The following CDH4 variants were observed in gnomAD, a reference collection of about 807,000 sequenced individuals.
CDH4 encodes the protein cadherin-4.
In CDH4, 33 loss-of-function variants were observed where a neutral mutation model predicts 86.0. The observed-to-expected ratio is 0.38, with a 90% CI of 0.29 to 0.51. The LOEUF is 0.51. CDH4 is among the 20% of genes least tolerant of loss of function. The pLI, the probability that CDH4 is intolerant of heterozygous loss-of-function variation, is 0.86. For missense variants in CDH4, 1,114 were observed against 1,307.4 expected (o/e 0.85, Z 2.28); for synonymous variants, 555 against 549.4 (o/e 1.01, Z -0.14).
At chr20:61,812,070 C>T (rs973236777) in intron 4 of CDH4, among the ~76,000 whole-genome samples, 6 of 152,032 alleles carry the variant, frequency 3.9e-5, no homozygotes, top group African/African-American at 9.7e-5. Flanking sequence ...TCCCCCGCTG[C>T]GGGGGACACA....
intron 2 of CDH4, among the ~76,000 whole-genome samples, chr20:61,462,121 C>T (rs2085447226): frequency 6.6e-6 from 1 of 152,202 alleles, no homozygotes; most frequent in African/African-American, 2.4e-5. Context: ...GGACTGGAAG[C>T]ACTGTGGCTT....
rs2055223288 is a variant in CDH4 at position 61,938,462 on chromosome 20, T to A, written c.*1519T>A. 2 of 152,570 alleles carry A rather than the reference T, an allele frequency of 1.3e-5. No individual in the cohort carries two copies. The highest frequency in any genetic ancestry group is 2.1e-4 in the South Asian group (1 of 4,832). 9.5% of individuals were successfully genotyped at this position (152,570 alleles called of 1,614,324 possible). Reference sequence around the variant, plus strand: ...CCACGTGGGGAAGCCTCGTGCTTGGTCAGCTTTCTGTCTCTCCCAGGCCAG... The same window carrying A: ...CCACGTGGGGAAGCCTCGTGCTTGGACAGCTTTCTGTCTCTCCCAGGCCAG... On this transcript the variant is annotated 3_prime_UTR_variant, in exon 16 of 16. Coordinates refer to ENST00000614565, the MANE Select transcript of CDH4 (RefSeq NM_001794.5).
At chr20:61,782,077 C>A (rs1336930534) in intron 4 of CDH4, among the ~76,000 whole-genome samples, 2 of 152,122 alleles carry the variant, frequency 1.3e-5, no homozygotes, top group African/African-American at 2.4e-5. Context: ...GAGGCCAATG[C>A]AGGCAGATCA....
At chr20:61,264,987 C>G (rs2084149221) in intron 2 of CDH4, among the ~76,000 whole-genome samples, 1 of 148,954 alleles carries the variant, frequency 6.7e-6, no homozygotes. Context: ...CTACACATAC[C>G]TCAGTGGCTC....
At chr20:61,658,423 G>A (rs62197805) in intron 2 of CDH4, among the ~76,000 whole-genome samples, 36,768 of 152,124 alleles carry the variant, frequency 0.24, 5,040 homozygotes, top group African/African-American at 0.38. Context: ...CTCTGAGCTC[G>A]CAGGTGCCCA....
intron 1 of CDH4, among the ~76,000 whole-genome samples, chr20:61,253,274 G>GCTT (rs2123108181): frequency 6.6e-6 from 1 of 150,820 alleles, no homozygotes; most frequent in African/African-American, 2.4e-5. Context: ...GCGCGGCGCG[G>GCTT]GAGGGCGCCC....
intron 2 of CDH4, among the ~76,000 whole-genome samples, chr20:61,425,000 C>T (rs1274756569): frequency 3.3e-5 from 5 of 152,258 alleles, no homozygotes; most frequent in African/African-American, 7.2e-5. Context: ...GAGGAGCCTA[C>T]AGCCTCCTAG....
chr20:61,596,783 G>T (rs983335287), intron 2 of CDH4, among the ~76,000 whole-genome samples: 1 of 152,150 alleles, frequency 6.6e-6, no homozygotes, highest in African/African-American at 2.4e-5. Context: ...CTCCTTTCCA[G>T]ACTCCTTCCC....
intron 2 of CDH4, among the ~76,000 whole-genome samples, chr20:61,389,806 C>T (rs2084971452): frequency 6.6e-6 from 1 of 152,230 alleles, no homozygotes; most frequent in East Asian, 1.9e-4. Flanking sequence ...CCCATAGCAC[C>T]ATGTCTGGGA....
intron 2 of CDH4, among the ~76,000 whole-genome samples, chr20:61,542,690 C>G (rs2086049456): frequency 1.3e-5 from 2 of 152,220 alleles, no homozygotes; most frequent in South Asian, 4.1e-4. Flanking sequence ...AATCAGAACT[C>G]CTAGAAAGGG....
intron 2 of CDH4, among the ~76,000 whole-genome samples, chr20:61,712,121 G>T (rs2087899981): frequency 6.6e-6 from 1 of 152,188 alleles, no homozygotes; most frequent in Non-Finnish European, 1.5e-5. Context: ...TCTTCCACGT[G>T]GATGATGGAA....
chr20:61,637,999 C>T (rs1010405830), intron 2 of CDH4, among the ~76,000 whole-genome samples: 3 of 141,542 alleles, frequency 2.1e-5, no homozygotes, highest in Middle Eastern at 3.5e-3. Context: ...CCACTGCACT[C>T]CAGCCTGGGC....
chr20:61,837,992 G>GC (rs1424821104), intron 4 of CDH4, among the ~76,000 whole-genome samples: 1 of 151,642 alleles, frequency 6.6e-6, no homozygotes, highest in Non-Finnish European at 1.5e-5. Flanking sequence ...CGCTCCCCAA[G>GC]CCCTCACCTC....
At chr20:61,399,119 C>CTTTTTTT (rs926368033) in intron 2 of CDH4, among the ~76,000 whole-genome samples, 4 of 77,030 alleles carry the variant, frequency 5.2e-5, no homozygotes, top group East Asian at 3.6e-4. Context: ...GAAAAACCCA[C>CTTTTTTT]TTTTTTTTTT....
chr20:61,320,883 C>T lies in CDH4; in HGVS notation c.169+65946C>T, dbSNP rs560727437. ...GGTGGGCAGGGCTGTGGCGTGAAGACAGTATGTGGGCAGGGCGGGGTGCAC... is the reference window on the plus strand; with the variant it reads ...GGTGGGCAGGGCTGTGGCGTGAAGATAGTATGTGGGCAGGGCGGGGTGCAC... On this transcript the variant is annotated intron_variant, in intron 2 of 15. Transcript: ENST00000614565. Among the ~76,000 whole-genome samples, 8 of 152,058 alleles carry T rather than the reference C, an allele frequency of 5.3e-5. No individual in the cohort carries two copies. The East Asian group carries it at 1.4e-3, about 26-fold the overall frequency.
intron 4 of CDH4, among the ~76,000 whole-genome samples, chr20:61,833,356 A>G (rs543546251): frequency 6.8e-4 from 104 of 152,214 alleles, no homozygotes; most frequent in Non-Finnish European, 1.3e-3. Context: ...GTTTCATTCA[A>G]TCATCCACTC....
intron 4 of CDH4, among the ~76,000 whole-genome samples, chr20:61,814,373 G>A (rs1443452570): frequency 6.6e-6 from 1 of 152,168 alleles, no homozygotes; most frequent in African/African-American, 2.4e-5. Flanking sequence ...TGGAAAACCT[G>A]TCCCTCACTG....
chr20:61,592,773 T>G (rs2086527355), intron 2 of CDH4, among the ~76,000 whole-genome samples: 1 of 152,228 alleles, frequency 6.6e-6, no homozygotes, highest in South Asian at 2.1e-4. Context: ...ATGGTTCATG[T>G]GTCCAGTGTC....
At chr20:61,632,801 C>T (rs1466944473) in intron 2 of CDH4, among the ~76,000 whole-genome samples, 1 of 150,940 alleles carries the variant, frequency 6.6e-6, no homozygotes, top group Non-Finnish European at 1.5e-5. Context: ...TCTGTACTCC[C>T]CTGTGCACCA....
Sources: allele counts gnomAD v4.1 joint callset (sites outside exome capture counted in the v4.1 genomes callset), GRCh38; gene constraint gnomAD v4.1.1; transcripts MANE v1.5; gene names NCBI Gene and HGNC (gene_info 2026-07-23, HGNC 2026-07-21).